Variants in STK32B observed in about 807,000 individuals in gnomAD.
STK32B encodes serine/threonine-protein kinase 32B.
In STK32B, 43 loss-of-function variants were observed where a neutral mutation model predicts 52.6. The observed-to-expected ratio is 0.82, with a 90% CI of 0.64 to 1.05. STK32B has a LOEUF of 1.05. Ranked by LOEUF, STK32B falls within the 50% of genes least tolerant of loss-of-function variation. The pLI is 0.00. For missense variants in STK32B, 621 were observed against 534.6 expected (o/e 1.16, Z -1.59); for synonymous variants, 238 against 204.3 (o/e 1.17, Z -1.41).
At chr4:5,320,653 A>G (rs1731425014) in intron 3 of STK32B, among the ~76,000 whole-genome samples, 1 of 152,136 alleles carries the variant, frequency 6.6e-6, no homozygotes. Flanking sequence ...CGCCACAGGG[A>G]TGTGCGTCTT....
chr4:5,169,444 G>A (rs1719160217), intron 3 of STK32B, among the ~76,000 whole-genome samples: 1 of 152,166 alleles, frequency 6.6e-6, no homozygotes. Flanking sequence ...GGAGGGGTAA[G>A]TCTAGCTTTG....
At chr4:5,165,183 C>T (rs1718774301) in intron 2 of STK32B, among the ~76,000 whole-genome samples, 1 of 152,208 alleles carries the variant, frequency 6.6e-6, no homozygotes, top group Non-Finnish European at 1.5e-5. Flanking sequence ...CAGCCACACT[C>T]AGGTCTCTGC....
intron 11 of STK32B, among the ~76,000 whole-genome samples, chr4:5,486,291 C>T (rs1028591264): frequency 8.5e-5 from 13 of 152,256 alleles, no homozygotes; most frequent in South Asian, 4.1e-4. Context: ...CAATGGCGGG[C>T]GCCCCACCCC....
intron 5 of STK32B, among the ~76,000 whole-genome samples, chr4:5,408,111 A>G (rs1000354798): frequency 2.0e-5 from 3 of 152,168 alleles, no homozygotes; most frequent in African/African-American, 7.2e-5. Context: ...GTTGTTAATC[A>G]GTCTATGACA....
intron 3 of STK32B, among the ~76,000 whole-genome samples, chr4:5,322,552 T>A (rs928647032): frequency 6.6e-6 from 1 of 152,074 alleles, no homozygotes; most frequent in African/African-American, 2.4e-5. Flanking sequence ...TCCCACAGAG[T>A]CATCTCTGGG....
chr4:5,112,240 T>A (rs1356531295), intron 1 of STK32B, among the ~76,000 whole-genome samples: 1 of 152,116 alleles, frequency 6.6e-6, no homozygotes, highest in Non-Finnish European at 1.5e-5. Flanking sequence ...GCTGTGAGAT[T>A]GTATTTGTCA....
chr4:5,241,640 T>A (rs929648303), intron 3 of STK32B, among the ~76,000 whole-genome samples: 2 of 152,110 alleles, frequency 1.3e-5, no homozygotes, highest in Admixed American at 1.3e-4. Context: ...GTTTGTTACA[T>A]ATGTATACAT....
Position 5,403,448 on chromosome 4 carries a change from C to T in STK32B, c.472+5204C>T, listed in dbSNP as rs118150313. 4.8e-3 allele frequency among the ~76,000 whole-genome samples: 734 copies of T among 152,258 alleles called. 16 individuals carry two copies. In the East Asian group the frequency reaches 0.066, roughly 14 times the overall value. On this transcript the variant is annotated intron_variant, in intron 5 of 11. Coordinates refer to ENST00000282908, the MANE Select transcript of STK32B (RefSeq NM_018401.3). ...TTTCCCCACTCCCCATCCTCCTGAG[C>T]GGCCCTGATGCTTCCCTGTCTCCCC...
intron 3 of STK32B, among the ~76,000 whole-genome samples, chr4:5,171,627 G>A (rs1430140032): frequency 6.7e-6 from 1 of 149,840 alleles, no homozygotes; most frequent in African/African-American, 2.4e-5. Context: ...TAGATACATG[G>A]CATTATTTCT....
At chr4:5,147,452 G>A (rs186156089) in intron 2 of STK32B, among the ~76,000 whole-genome samples, 76 of 151,942 alleles carry the variant, frequency 5.0e-4, no homozygotes, top group African/African-American at 1.8e-3. Flanking sequence ...TAAAACCCTC[G>A]GTACAATATT....
intron 3 of STK32B, among the ~76,000 whole-genome samples, chr4:5,214,450 G>A (rs1406784589): frequency 6.6e-6 from 1 of 152,006 alleles, no homozygotes; most frequent in African/African-American, 2.4e-5. Flanking sequence ...GTAGGTCCAG[G>A]TTCATTTTGT....
At chr4:5,357,236 C>CA (rs1362302864) in intron 4 of STK32B, among the ~76,000 whole-genome samples, 1 of 149,292 alleles carries the variant, frequency 6.7e-6, no homozygotes, top group East Asian at 2.0e-4. Context: ...CACATTCAGT[C>CA]AGTCACATTT....
chr4:5,134,030 A>T (rs1224848981), intron 1 of STK32B, among the ~76,000 whole-genome samples: 1 of 152,166 alleles, frequency 6.6e-6, no homozygotes, highest in Non-Finnish European at 1.5e-5. Flanking sequence ...CTCTCTCCCC[A>T]TCAACAGATA....
At chr4:5,420,624 A>G (rs1471083315) in intron 6 of STK32B, among the ~76,000 whole-genome samples, 1 of 152,180 alleles carries the variant, frequency 6.6e-6, no homozygotes, top group Admixed American at 6.5e-5. Context: ...GGAAGTGGAC[A>G]GGATCCCCCA....
chr4:5,365,001 G>A (rs970525932), intron 4 of STK32B, among the ~76,000 whole-genome samples: 2 of 152,040 alleles, frequency 1.3e-5, no homozygotes, highest in African/African-American at 2.4e-5. Flanking sequence ...TCAGCATCCC[G>A]AGTAGCTGGG....
At chr4:5,176,873 C>G (rs1335736582) in intron 3 of STK32B, among the ~76,000 whole-genome samples, 2 of 152,062 alleles carry the variant, frequency 1.3e-5, no homozygotes, top group Admixed American at 6.6e-5. Context: ...CCTCTGGTGG[C>G]TTTTATTTTA....
chr4:5,374,700 C>G (rs996320474), intron 4 of STK32B, among the ~76,000 whole-genome samples: 2 of 149,346 alleles, frequency 1.3e-5, no homozygotes, highest in African/African-American at 5.0e-5. Flanking sequence ...GTCTTCACAG[C>G]TTAATCATCT....
chr4:5,091,868 A>G (rs1713097123), intron 1 of STK32B, among the ~76,000 whole-genome samples: 2 of 152,242 alleles, frequency 1.3e-5, no homozygotes, highest in Admixed American at 1.3e-4. Context: ...TTTTTGAGCC[A>G]TAAGAGGAAT....
chr4:5,039,753 A>G, the STK32B span, among the ~76,000 whole-genome samples: 2 of 152,200 alleles, frequency 1.3e-5, no homozygotes, highest in Non-Finnish European at 1.5e-5. Flanking sequence ...CACGTGAGGA[A>G]TGCATTGTGC....
Sources: allele counts gnomAD v4.1 joint callset (sites outside exome capture counted in the v4.1 genomes callset), GRCh38; gene constraint gnomAD v4.1.1; transcripts MANE v1.5; gene names NCBI Gene and HGNC (gene_info 2026-07-23, HGNC 2026-07-21).